The following PTPRN2 variants were observed in gnomAD, a reference collection of about 807,000 sequenced individuals.
PTPRN2 encodes receptor-type tyrosine-protein phosphatase N2.
A neutral mutation model predicts 118.8 loss-of-function variants in PTPRN2; 74 were observed. The ratio of observed to expected loss-of-function variants is 0.62; its 90% CI spans 0.52 to 0.76. PTPRN2 has a LOEUF of 0.76. Among genes scored for constraint, PTPRN2 ranks in the 30% least tolerant of loss-of-function variants. The probability of loss-of-function intolerance (pLI) is 0.00; values close to 1 mark genes in which losing one functional copy is unlikely to be tolerated. For missense variants in PTPRN2, 1,481 were observed against 1,394.4 expected (o/e 1.06, Z -0.99); for synonymous variants, 641 against 608.0 (o/e 1.05, Z -0.80).
intron 12 of PTPRN2, among the ~76,000 whole-genome samples, chr7:157,758,075 C>G (rs1013802841): frequency 6.6e-6 from 1 of 152,120 alleles, no homozygotes; most frequent in African/African-American, 2.4e-5. Flanking sequence ...TCGGGACTGA[C>G]GGCGCAGGGG....
intron 11 of PTPRN2, among the ~76,000 whole-genome samples, chr7:158,005,220 G>A (rs1239439992): frequency 1.3e-5 from 2 of 151,990 alleles, no homozygotes; most frequent in Non-Finnish European, 2.9e-5. Flanking sequence ...GATTACAGGC[G>A]TGAGCCACCA....
rs549620248 is a variant in PTPRN2 at position 158,096,318 on chromosome 7, C to T, written c.1643+14511G>A. Among the ~76,000 whole-genome samples, 57 of 152,254 alleles carry T rather than the reference C, an allele frequency of 3.7e-4. 1 individual carries two copies. In the South Asian group the frequency reaches 0.011, roughly 30 times the overall value. On this transcript the variant is annotated intron_variant, in intron 10 of 22. Transcript: ENST00000389418. ...TAAGAGCCGGGTCTCAGCCACATGC[C>T]CAGGCCACCTCCATCCTTGTGGGGA...
At chr7:158,331,720 C>T (rs1329526790) in intron 2 of PTPRN2, among the ~76,000 whole-genome samples, 6 of 151,042 alleles carry the variant, frequency 4.0e-5, no homozygotes, top group African/African-American at 1.5e-4. Flanking sequence ...CCCACATTCT[C>T]ACCATAAGAG....
chr7:157,989,487 C>T (rs971201038), intron 11 of PTPRN2, among the ~76,000 whole-genome samples: 1 of 146,462 alleles, frequency 6.8e-6, no homozygotes, highest in Non-Finnish European at 1.5e-5. Context: ...GGGTAAGACT[C>T]AGAGGGCAGA....
intron 2 of PTPRN2, among the ~76,000 whole-genome samples, chr7:158,319,078 T>C (rs1300287311): frequency 6.6e-6 from 1 of 152,240 alleles, no homozygotes; most frequent in African/African-American, 2.4e-5. Flanking sequence ...ATAAATATAT[T>C]TTAAAATTAT....
chr7:157,890,265 C>T (rs1274469485), intron 12 of PTPRN2, among the ~76,000 whole-genome samples: 1 of 152,086 alleles, frequency 6.6e-6, no homozygotes, highest in Non-Finnish European at 1.5e-5. Context: ...ATGGAGTGTA[C>T]GTATATGAGT....
intron 11 of PTPRN2, among the ~76,000 whole-genome samples, chr7:157,915,289 T>C (rs1240851343): frequency 1.3e-5 from 2 of 152,226 alleles, no homozygotes; most frequent in Non-Finnish European, 2.9e-5. Context: ...TGCCTTTCCC[T>C]CTGCCAGGCA....
chr7:157,757,959 A>G (rs1196089613), intron 12 of PTPRN2, among the ~76,000 whole-genome samples: 1 of 152,180 alleles, frequency 6.6e-6, no homozygotes, highest in Non-Finnish European at 1.5e-5. Context: ...GTGCACTGAA[A>G]AGGCAGCACC....
chr7:158,167,011 C>G lies in PTPRN2; in HGVS notation c.830G>C (p.Arg277Thr). 3 of 1,486,840 alleles carry G rather than the reference C, an allele frequency of 2.0e-6. No homozygotes were observed. Among genetic ancestry groups the G allele is most frequent in the Non-Finnish European group, 2.7e-6 (3 of 1,115,360 alleles). 92.1% of individuals were successfully genotyped at this position (1,486,840 alleles called of 1,614,324 possible). ...YLLRAPSRMP[R>T]PLLAPAAPQK... ...GGGGGCGGCTGGTGCCAGCAAAGGC[C>G]TGGGCATTCTTGAGGGTGCACGCAG... is the stretch of plus-strand genomic sequence containing the variant. Residue 277 changes from arginine to threonine, a missense_variant, in exon 6 of 23, where the codon AGG becomes ACG. By Grantham distance (71) the Arg-to-Thr change is moderately conservative (BLOSUM62 -1). Around this residue, in one of 3 missense-constraint regions of PTPRN2, gnomAD observed 1,115 missense variants for 994.2 expected, o/e 1.12. Coordinates refer to ENST00000389418, the MANE Select transcript of PTPRN2 (RefSeq NM_002847.5).
intron 2 of PTPRN2, among the ~76,000 whole-genome samples, chr7:158,448,987 G>A (rs551225438): frequency 2.0e-5 from 3 of 152,296 alleles, no homozygotes; most frequent in African/African-American, 7.2e-5. Context: ...CTCAACAGAT[G>A]TTCAGGACAT....
chr7:157,869,906 CCAA>C lies in PTPRN2; in HGVS notation c.1788+28764_1788+28766del, dbSNP rs1810948278. 6.6e-6 allele frequency among the ~76,000 whole-genome samples: 1 copy of C among 152,096 alleles called. No individual in the cohort carries two copies. Among genetic ancestry groups the C allele is most frequent in the East Asian group, 1.9e-4 (1 of 5,194 alleles). ...CAACATGCAAAATGCCTTGAGCATC[CCAA>C]CATCTACTGCCATGACCTTTGCTCT... On this transcript the variant is annotated intron_variant, in intron 12 of 22. Coordinates refer to ENST00000389418, the MANE Select transcript of PTPRN2 (RefSeq NM_002847.5). The surrounding 1 kb of genome is among the most constrained non-coding windows in gnomAD (Gnocchi z 4.2).
intron 1 of PTPRN2, among the ~76,000 whole-genome samples, chr7:158,552,708 A>G (rs994565220): frequency 1.2e-4 from 18 of 152,294 alleles, no homozygotes; most frequent in Middle Eastern, 3.4e-3. Flanking sequence ...CAGCCTCCCA[A>G]AGTTCTGGGA....
intron 11 of PTPRN2, among the ~76,000 whole-genome samples, chr7:157,968,480 T>C (rs996095763): frequency 6.6e-6 from 1 of 152,088 alleles, no homozygotes. Context: ...TTTTCAAGAG[T>C]TTCTGGGTCT....
intron 5 of PTPRN2, among the ~76,000 whole-genome samples, chr7:158,181,398 G>A (rs1164022496): frequency 1.3e-5 from 2 of 152,058 alleles, no homozygotes; most frequent in Non-Finnish European, 2.9e-5. Flanking sequence ...TCTATAGTTT[G>A]CTTTTGTTCA....
At chr7:157,761,912 C>A (rs1213514147) in intron 12 of PTPRN2, among the ~76,000 whole-genome samples, 5 of 152,240 alleles carry the variant, frequency 3.3e-5, no homozygotes, top group East Asian at 1.9e-4. Context: ...AAGAAAAAAA[C>A]CCCATCAAAA....
In PTPRN2 at chr7:157,826,851, G is replaced by C. The variant is rs565638920; in HGVS notation, c.1788+71822C>G. ...GAGGTCATGGGGCAATGGGGAGCCA[G>C]GAAAGGCGCCCATATATCCTGCGCA... On this transcript the variant is annotated intron_variant, in intron 12 of 22. Coordinates refer to ENST00000389418, the MANE Select transcript of PTPRN2 (RefSeq NM_002847.5). 2.0e-5 allele frequency among the ~76,000 whole-genome samples: 3 copies of C among 152,280 alleles called. No individual in the cohort carries two copies. In the South Asian group the frequency reaches 6.2e-4, roughly 32 times the overall value.
intron 10 of PTPRN2, among the ~76,000 whole-genome samples, chr7:158,083,608 C>T (rs529034857): frequency 9.2e-5 from 14 of 152,356 alleles, no homozygotes; most frequent in East Asian, 3.9e-4. Flanking sequence ...CCGTATTTCA[C>T]GTGGGGGCCG....
intron 22 of PTPRN2, among the ~76,000 whole-genome samples, chr7:157,542,829 G>A (rs2116945503): frequency 6.6e-6 from 1 of 152,374 alleles, no homozygotes; most frequent in East Asian, 1.9e-4. Context: ...TGGGCCCTGT[G>A]GGCGTCGGCT....
At chr7:158,434,528 C>A (rs181324740) in intron 2 of PTPRN2, among the ~76,000 whole-genome samples, 1 of 152,174 alleles carries the variant, frequency 6.6e-6, no homozygotes, top group Admixed American at 6.5e-5. Context: ...TCTCTTCCAG[C>A]GTTTCAAACT....
Sources: gnomAD v4.1 joint callset for allele counts (sites outside exome capture counted in the v4.1 genomes callset) on GRCh38, gnomAD v4.1.1 for gene constraint, gnomAD v4.1.1 regional missense constraint, Gnocchi (gnomAD v3.1) non-coding constraint, MANE v1.5 for transcripts, NCBI Gene and HGNC (gene_info 2026-07-23, HGNC 2026-07-21) for gene names.